LRP2: variants seen among roughly 807,000 people sequenced by gnomAD.
The protein encoded by LRP2 is LDL receptor related protein 2.
Under a neutral mutation model 531.0 loss-of-function variants are expected in LRP2, and 172 were observed. That is an observed-to-expected ratio of 0.32 (90% CI 0.29 to 0.37). LRP2 has a LOEUF of 0.37. LRP2 is among the 10% of genes least tolerant of loss of function. The probability of loss-of-function intolerance (pLI) is 1.00; values close to 1 mark genes in which losing one functional copy is unlikely to be tolerated. For synonymous variants in LRP2, 1,992 were observed against 2,027.6 expected, an observed-to-expected ratio of 0.98 and a Z score of 0.47; for missense variants, 5,167 against 5,868.3, an observed-to-expected ratio of 0.88 and a Z score of 3.90.
intron 70 of LRP2, among the ~76,000 whole-genome samples, chr2:169,143,915 T>G (rs1685816958): frequency 6.6e-6 from 1 of 152,196 alleles, no homozygotes; most frequent in African/African-American, 2.4e-5. Flanking sequence ...TAGCTATAAA[T>G]TAGTAACACA....
rs759111237 is a variant in LRP2 at position 169,173,916 on chromosome 2, T to TA, written c.11014+2dup. ...ATGCCTTGGTCCTCCCACAGGAACTTACTGCATTCTTCAATGGGCTCATCC... is the reference window on the plus strand; with the variant it reads ...ATGCCTTGGTCCTCCCACAGGAACTTAACTGCATTCTTCAATGGGCTCATCC... On this transcript the variant is annotated splice_region_variant and intron_variant, in intron 56 of 78. Transcript: ENST00000649046. 1.2e-5 allele frequency: 20 copies of TA among 1,614,102 alleles called. No individual in the cohort carries two copies. The African/African-American group carries it at 2.4e-4, about 19-fold the overall frequency.
chr2:169,167,691 A>C (rs529054798), intron 61 of LRP2, among the ~76,000 whole-genome samples: 2 of 152,168 alleles, frequency 1.3e-5, no homozygotes, highest in East Asian at 3.9e-4. Context: ...CATATTCCCA[A>C]GTGGCACTGA....
chr2:169,207,631 A>T (rs1688443205), intron 38 of LRP2, among the ~76,000 whole-genome samples: 1 of 152,186 alleles, frequency 6.6e-6, no homozygotes, highest in Non-Finnish European at 1.5e-5. Context: ...CACAACTTCC[A>T]TCCCAATGTG....
intron 9 of LRP2, among the ~76,000 whole-genome samples, chr2:169,288,434 A>G (rs1341749247): frequency 1.3e-5 from 2 of 152,208 alleles, no homozygotes; most frequent in South Asian, 2.1e-4. Context: ...ATGATAAAGA[A>G]TCTGCTCATC....
At position 169,282,967 on chromosome 2, in the gene LRP2, G is replaced by T. The variant is rs767126588; in HGVS notation, c.1077C>A (p.Asp359Glu). 6.2e-7 allele frequency: 1 copy of T among 1,614,060 alleles called. No individual in the cohort carries two copies. Among genetic ancestry groups the T allele is most frequent in the East Asian group, 2.2e-5 (1 of 44,870 alleles). Residue 359 changes from aspartate to glutamate, a missense_variant, in exon 10 of 79, where the codon GAC becomes GAA. Physicochemically the swap from Asp to Glu is conservative, Grantham distance 45 (BLOSUM62 2). Transcript: ENST00000649046. ...FDDCQIWGIC[D>E]QKCESRPGRH... ...GGCCAGGTCGGCTTTCACACTTCTGGTCACAAATTCCCCATATCTGGCAAT... is the reference window on the plus strand; with the variant it reads ...GGCCAGGTCGGCTTTCACACTTCTGTTCACAAATTCCCCATATCTGGCAAT...
chr2:169,204,798 A>G (rs1025923278), intron 41 of LRP2, among the ~76,000 whole-genome samples: 3 of 152,242 alleles, frequency 2.0e-5, no homozygotes, highest in Non-Finnish European at 4.4e-5. Context: ...TGCAAGAAAA[A>G]TTAAGATTCC....
chr2:169,128,882 T>C lies in LRP2; in HGVS notation c.13801-52A>G, dbSNP rs779329658. 14 of 1,604,594 alleles carry C rather than the reference T, an allele frequency of 8.7e-6. No individual in the cohort carries two copies. The Admixed American group carries it at 1.0e-4, about 11-fold the overall frequency. Reference sequence around the variant, plus strand: ...GCCATTTATTCCCCCAAGGTCACCATACACGGTTTTTCATAAAGAAGACTA... The same window carrying C: ...GCCATTTATTCCCCCAAGGTCACCACACACGGTTTTTCATAAAGAAGACTA... On this transcript the variant is annotated intron_variant, in intron 78 of 78. Transcript: ENST00000649046.
Position 169,192,049 on chromosome 2 carries a change from G to T in LRP2, c.8831-16C>A, listed in dbSNP as rs775327679. 3.1e-6 allele frequency: 5 copies of T among 1,603,050 alleles called. No individual in the cohort carries two copies. Among genetic ancestry groups the T allele is most frequent in the Non-Finnish European group, 4.3e-6 (5 of 1,171,052 alleles). On this transcript the variant is annotated splice_polypyrimidine_tract_variant and intron_variant, in intron 47 of 78. Transcript: ENST00000649046. ...TTTTGATTCTCTGAAACCAAAGCAC[G>T]CAAGAATCAGAAAGCATGAGAGCTC...
At chr2:169,139,883 T>A (rs1013740547) in intron 72 of LRP2, among the ~76,000 whole-genome samples, 2 of 152,242 alleles carry the variant, frequency 1.3e-5, no homozygotes, top group African/African-American at 4.8e-5. Context: ...ATCTATGCAA[T>A]GCTTCCTTAG....
At chr2:169,321,822 T>C (rs1428866974) in intron 1 of LRP2, among the ~76,000 whole-genome samples, 1 of 152,128 alleles carries the variant, frequency 6.6e-6, no homozygotes, top group Non-Finnish European at 1.5e-5. Flanking sequence ...GTGGCAGTGA[T>C]AGTCCCTAGT....
intron 36 of LRP2, among the ~76,000 whole-genome samples, chr2:169,213,051 C>A (rs1471289010): frequency 6.6e-6 from 1 of 151,952 alleles, no homozygotes; most frequent in Non-Finnish European, 1.5e-5. Flanking sequence ...ATTGTTTGAT[C>A]ATCTTTGGCT....
At chr2:169,235,011 G>A (rs1689552133) in intron 29 of LRP2, among the ~76,000 whole-genome samples, 1 of 151,214 alleles carries the variant, frequency 6.6e-6, no homozygotes, top group South Asian at 2.1e-4. Context: ...CCTGGGTTCA[G>A]GCAATCCTCC....
chr2:169,157,917 GAAATAAATAAAT>G lies in LRP2; in HGVS notation c.11888-427_11888-416del, dbSNP rs71397691. On this transcript the variant is annotated intron_variant, in intron 63 of 78. Transcript: ENST00000649046. ...TAGATCGATAGATAGATAACAGATAGAAATAAATAAATAAATAAATAAATAAATAAATAAATA... is the reference window on the plus strand; with the variant it reads ...TAGATCGATAGATAGATAACAGATAGAAATAAATAAATAAATAAATAAATA... 4.0e-3 allele frequency among the ~76,000 whole-genome samples: 529 copies of G among 130,732 alleles called. 7 individuals carry two copies. Among genetic ancestry groups the G allele is most frequent in the Middle Eastern group, 0.013 (3 of 238 alleles). The allele number at this position is 130,732 out of a possible 152,430, so 85.8% of individuals were successfully genotyped here.
intron 1 of LRP2, among the ~76,000 whole-genome samples, chr2:169,356,436 A>G (rs1237736015): frequency 6.6e-6 from 1 of 152,250 alleles, no homozygotes; most frequent in Non-Finnish European, 1.5e-5. Context: ...ATAATGATGA[A>G]TGGAAATCTA....
chr2:169,310,686 G>T (rs898493633), intron 3 of LRP2, among the ~76,000 whole-genome samples: 6 of 152,166 alleles, frequency 3.9e-5, no homozygotes, highest in African/African-American at 1.4e-4. Flanking sequence ...TCTCTGCCAG[G>T]CTTTGGTATC....
chr2:169,195,713 C>A (rs1416366572), intron 46 of LRP2, among the ~76,000 whole-genome samples: 2 of 152,152 alleles, frequency 1.3e-5, no homozygotes, highest in African/African-American at 4.8e-5. Flanking sequence ...TTCTACTCAT[C>A]CAGCAGTTAT....
chr2:169,208,680 C>T (rs142232033), intron 38 of LRP2, among the ~76,000 whole-genome samples: 5,354 of 152,194 alleles, frequency 0.035, 204 homozygotes, highest in East Asian at 0.16. Context: ...TGGTCTCAAA[C>T]TCTTGACCTC....
chr2:169,187,845 A>T, intron 49 of LRP2, 125 bp downstream of exon 49: 1 of 1,066,202 alleles, frequency 9.4e-7, no homozygotes, highest in Non-Finnish European at 1.4e-6. Flanking sequence ...TTGCTATATC[A>T]GGAATAGTGA....
chr2:169,162,409 G>A, intron 63 of LRP2, 63 bp downstream of exon 63: 1 of 1,573,674 alleles, frequency 6.4e-7, no homozygotes, highest in Non-Finnish European at 8.7e-7. Flanking sequence ...TTATGTTATT[G>A]CATGTTTTAA....
Sources: gnomAD v4.1 joint callset for allele counts (sites outside exome capture counted in the v4.1 genomes callset) on GRCh38, gnomAD v4.1.1 for gene constraint, MANE v1.5 for transcripts, NCBI Gene and HGNC (gene_info 2026-07-23, HGNC 2026-07-21) for gene names.